The following ZNF148 variants were observed in gnomAD, a reference collection of about 807,000 sequenced individuals.
ZNF148 encodes the protein zinc finger protein 148.
In ZNF148, 7 loss-of-function variants were observed where a neutral mutation model predicts 67.7. The ratio of observed to expected loss-of-function variants is 0.10; its 90% CI spans 0.06 to 0.19. The LOEUF is 0.19. Ranked by LOEUF, ZNF148 falls within the 10% of genes least tolerant of loss-of-function variation. The probability of loss-of-function intolerance (pLI) is 1.00; values close to 1 mark genes in which losing one functional copy is unlikely to be tolerated. For synonymous variants in ZNF148, 333 were observed against 330.7 expected, an observed-to-expected ratio of 1.01 and a Z score of -0.08; for missense variants, 583 against 947.1, an observed-to-expected ratio of 0.62 and a Z score of 5.05.
chr3:125,356,644 T>A (rs1942352204), intron 1 of ZNF148, among the ~76,000 whole-genome samples: 1 of 152,158 alleles, frequency 6.6e-6, no homozygotes, highest in Non-Finnish European at 1.5e-5. Context: ...CATGCCTAAT[T>A]TTGCAAAATT....
At chr3:125,251,237 C>T (rs781404686) in intron 7 of ZNF148, among the ~76,000 whole-genome samples, 4 of 152,194 alleles carry the variant, frequency 2.6e-5, no homozygotes, top group Non-Finnish European at 5.9e-5. Flanking sequence ...TCTAACTTCT[C>T]AAAAATAACC....
At chr3:125,247,540 C>T (rs547805520) in intron 7 of ZNF148, among the ~76,000 whole-genome samples, 17 of 152,078 alleles carry the variant, frequency 1.1e-4, no homozygotes, top group African/African-American at 2.4e-4. Flanking sequence ...GAGGTTCAAG[C>T]GATTCTCATG....
Position 125,239,840 on chromosome 3 carries a change from G to T in ZNF148, c.668-5511C>A, listed in dbSNP as rs556125487. ...ATGGAATATTACTCAACTATAAAAA[G>T]AAAGAAAGTGCAGGCTACACACATG... is the stretch of plus-strand genomic sequence containing the variant. On this transcript the variant is annotated intron_variant, in intron 7 of 8. Transcript: ENST00000360647. Among the ~76,000 whole-genome samples, 82 of 152,272 alleles carry T rather than the reference G, an allele frequency of 5.4e-4. No individual in the cohort carries two copies. The South Asian group carries it at 0.013, about 25-fold the overall frequency.
At chr3:125,372,988 T>G (rs56142876) in intron 1 of ZNF148, among the ~76,000 whole-genome samples, 5 of 151,832 alleles carry the variant, frequency 3.3e-5, no homozygotes, top group Admixed American at 3.3e-4. Context: ...TAAATAAAAA[T>G]TTTTTTAAAA....
chr3:125,341,495 C>T (rs1365071675), intron 1 of ZNF148, among the ~76,000 whole-genome samples: 1 of 152,048 alleles, frequency 6.6e-6, no homozygotes, highest in Non-Finnish European at 1.5e-5. Flanking sequence ...GTGGCACACA[C>T]CTGTAGTCCC....
chr3:125,304,401 G>A (rs1403960067), intron 4 of ZNF148, among the ~76,000 whole-genome samples: 1 of 152,030 alleles, frequency 6.6e-6, no homozygotes, highest in East Asian at 1.9e-4. Flanking sequence ...CTAAGTAAGA[G>A]TGCCATAAGG....
At chr3:125,283,077 G>A (rs1938476340) in intron 5 of ZNF148, among the ~76,000 whole-genome samples, 1 of 152,068 alleles carries the variant, frequency 6.6e-6, no homozygotes, top group Admixed American at 6.6e-5. Flanking sequence ...ACGTTCTACT[G>A]CAACTGGGGA....
At chr3:125,311,590 C>T (rs1441980210) in intron 4 of ZNF148, among the ~76,000 whole-genome samples, 1 of 151,696 alleles carries the variant, frequency 6.6e-6, no homozygotes, top group Non-Finnish European at 1.5e-5. Flanking sequence ...TTTTTAAAAT[C>T]AAATGTACAT....
At chr3:125,312,594 T>C (rs960105472) in intron 4 of ZNF148, among the ~76,000 whole-genome samples, 8 of 152,132 alleles carry the variant, frequency 5.3e-5, no homozygotes, top group Admixed American at 4.6e-4. Context: ...AAAACAGGTA[T>C]GAAGTATGAC....
rs775931501 is a variant in ZNF148 at position 125,241,195 on chromosome 3, A to G, written c.668-6866T>C. On this transcript the variant is annotated intron_variant, in intron 7 of 8. Coordinates refer to ENST00000360647, the MANE Select transcript of ZNF148 (RefSeq NM_021964.3). ...GTATTTACAGAGTTAAAAAAAAATC[A>G]AAACACTTAAAAAGAGTATACAGGA... Among the ~76,000 whole-genome samples, 9 of 152,250 alleles carry G rather than the reference A, an allele frequency of 5.9e-5. No homozygotes were observed. The East Asian group carries it at 1.7e-3, about 29-fold the overall frequency.
At chr3:125,313,209 A>T (rs1209288893) in intron 4 of ZNF148, 99 bp downstream of exon 4, 20 of 929,432 alleles carry the variant, frequency 2.2e-5, no homozygotes, top group Non-Finnish European at 2.9e-5. Context: ...AACACTATTT[A>T]GCCCTGAAAC....
chr3:125,305,429 G>A (rs1258375528), intron 4 of ZNF148, among the ~76,000 whole-genome samples: 1 of 152,138 alleles, frequency 6.6e-6, no homozygotes, highest in East Asian at 1.9e-4. Context: ...GAGTCTTTTG[G>A]CTAACAAACT....
rs180873933 is a variant in ZNF148, at chr3:125,250,522, A to G, written c.668-16193T>C. On this transcript the variant is annotated intron_variant, in intron 7 of 8. Coordinates refer to ENST00000360647, the MANE Select transcript of ZNF148 (RefSeq NM_021964.3). ...ACTTCTTTCAAATAATCTGTAACTT[A>G]CCTGTAAGAAACTCATGATCAATAT... Among the ~76,000 whole-genome samples the G allele has an allele frequency of 2.0e-4, 31 of 152,306 alleles. No homozygotes were observed. In the East Asian group the frequency reaches 5.8e-3, roughly 28 times the overall value.
At chr3:125,252,268 T>A (rs934647978) in intron 7 of ZNF148, among the ~76,000 whole-genome samples, 9 of 150,404 alleles carry the variant, frequency 6.0e-5, no homozygotes, top group African/African-American at 1.7e-4. Context: ...TCCATTAAGA[T>A]TAGTACTTTC....
intron 7 of ZNF148, among the ~76,000 whole-genome samples, chr3:125,242,157 G>A (rs1317970577): frequency 6.6e-6 from 1 of 152,170 alleles, no homozygotes; most frequent in Non-Finnish European, 1.5e-5. Context: ...AATGGTAGGG[G>A]TAGAGTTGTT....
intron 1 of ZNF148, among the ~76,000 whole-genome samples, chr3:125,337,016 C>CA (rs1296364662): frequency 0.49 from 56,554 of 115,110 alleles, 12,597 homozygotes; most frequent in African/African-American, 0.56. Flanking sequence ...TCTACTCTCA[C>CA]AAAAAAAAAA....
intron 7 of ZNF148, among the ~76,000 whole-genome samples, chr3:125,257,556 A>AT (rs1166149935): frequency 2.0e-4 from 15 of 75,632 alleles, no homozygotes; most frequent in East Asian, 1.4e-3. Flanking sequence ...CTCCGTCTCT[A>AT]TTAAAAAAAA....
intron 7 of ZNF148, among the ~76,000 whole-genome samples, chr3:125,261,888 C>A (rs1579647273): frequency 2.1e-5 from 3 of 143,640 alleles, no homozygotes; most frequent in Admixed American, 7.0e-5. Flanking sequence ...CTTTGTAGAC[C>A]AAAAGGTAAA....
At chr3:125,357,949 T>A (rs1466296780) in intron 1 of ZNF148, 5 of 152,162 alleles carry the variant, frequency 3.3e-5, no homozygotes, top group Admixed American at 3.3e-4. Context: ...GCTTGTTTTA[T>A]ATTGTTCCCA....
Sources: allele counts gnomAD v4.1 joint callset (sites outside exome capture counted in the v4.1 genomes callset), GRCh38; gene constraint gnomAD v4.1.1; transcripts MANE v1.5; gene names NCBI Gene and HGNC (gene_info 2026-07-23, HGNC 2026-07-21).